SYNC: variants seen among roughly 807,000 people sequenced by gnomAD.
SYNC encodes syncoilin, intermediate filament protein, also known as syncoilin.
In SYNC, 38 loss-of-function variants were observed where a neutral mutation model predicts 49.5. The observed-to-expected ratio is 0.77, with a 90% confidence interval of 0.59 to 1.01. SYNC has a LOEUF of 1.01. Among genes scored for constraint, SYNC ranks in the 50% least tolerant of loss-of-function variants. SYNC has a pLI of 0.00. For missense variants in SYNC, 579 were observed against 580.6 expected, an observed-to-expected ratio of 1.00 and a Z score of 0.03; for synonymous variants, 201 against 230.8, an observed-to-expected ratio of 0.87 and a Z score of 1.17.
intron 2 of SYNC, among the ~76,000 whole-genome samples, chr1:32,688,075 T>G (rs547364327): frequency 6.6e-6 from 1 of 152,038 alleles, no homozygotes; most frequent in South Asian, 2.1e-4. Flanking sequence ...CCTCAGGTGA[T>G]CCACCTGCCT....
chr1:32,696,156 C>T, intron 1 of SYNC, 112 bp from the exon 2 acceptor site: 1 of 815,710 alleles, frequency 1.2e-6, no homozygotes, highest in South Asian at 1.8e-5. Flanking sequence ...TGTCAGCAGC[C>T]ATTCGTCTGC....
intron 1 of SYNC, among the ~76,000 whole-genome samples, chr1:32,698,414 G>A (rs1360810607): frequency 6.6e-6 from 1 of 152,104 alleles, no homozygotes; most frequent in Non-Finnish European, 1.5e-5. Flanking sequence ...AGCTACTCGG[G>A]AGGCTGAGGC....
intron 2 of SYNC, among the ~76,000 whole-genome samples, chr1:32,688,110 C>G (rs995161477): frequency 4.6e-5 from 7 of 151,968 alleles, no homozygotes; most frequent in Admixed American, 6.6e-5. Flanking sequence ...GCTGGGATTA[C>G]AGGTGTGAGC....
chr1:32,691,898 CT>C (rs1255825314), intron 2 of SYNC, among the ~76,000 whole-genome samples: 1 of 152,058 alleles, frequency 6.6e-6, no homozygotes, highest in Non-Finnish European at 1.5e-5. Flanking sequence ...AATTCCACCT[CT>C]TTTTTCATGA....
chr1:32,692,733 G>A (rs1428163993), intron 2 of SYNC, among the ~76,000 whole-genome samples: 2 of 152,148 alleles, frequency 1.3e-5, no homozygotes, highest in African/African-American at 4.8e-5. Context: ...TCCAGCCTGT[G>A]TGACAGAGCG....
At chr1:32,700,628 C>T (rs985235212) in intron 1 of SYNC, among the ~76,000 whole-genome samples, 2 of 152,104 alleles carry the variant, frequency 1.3e-5, no homozygotes, top group Non-Finnish European at 2.9e-5. Context: ...ACCTGGGAGA[C>T]AGAGGTTGCA....
intron 2 of SYNC, among the ~76,000 whole-genome samples, chr1:32,687,448 G>C (rs1253930330): frequency 2.0e-5 from 3 of 151,248 alleles, no homozygotes; most frequent in Admixed American, 2.0e-4. Flanking sequence ...AGGCCAAGGT[G>C]GATCACGAGG....
In SYNC at chr1:32,683,805, G is replaced by A. The variant is rs1047521913; in HGVS notation, c.1438+205C>T. The A allele has an allele frequency of 9.2e-6, 5 of 543,148 alleles. No individual in the cohort carries two copies. The African/African-American group carries it at 9.5e-5, about 10-fold the overall frequency. The allele number at this position is 543,148 out of a possible 1,614,324, so 33.6% of individuals were successfully genotyped here. On this transcript the variant is annotated intron_variant, in intron 4 of 4. Coordinates refer to ENST00000409190, the MANE Select transcript of SYNC (RefSeq NM_030786.3). ...CTGCCACTATGCCCGGCTAATTTTT[G>A]TATTTTTAGTGGAGATGGAGTTTTG...
chr1:32,693,108 AG>A (rs762430910), intron 2 of SYNC, among the ~76,000 whole-genome samples: 35 of 142,156 alleles, frequency 2.5e-4, no homozygotes, highest in Non-Finnish European at 4.4e-4. Flanking sequence ...TTTGAGATGG[AG>A]TCTCACTCTG....
At chr1:32,690,958 C>G (rs1489246410) in intron 2 of SYNC, among the ~76,000 whole-genome samples, 1 of 152,074 alleles carries the variant, frequency 6.6e-6, no homozygotes, top group Non-Finnish European at 1.5e-5. Context: ...GTGGCTCACA[C>G]CTATAATCCC....
rs752999810 is a variant in SYNC, at chr1:32,695,059, A to G, written c.1039T>C (p.Phe347Leu). The change falls in exon 2 of 5, where the codon TTC (phenylalanine) becomes CTC (leucine). Residue 347 changes from phenylalanine to leucine, a missense_variant. Physicochemically the swap from Phe to Leu is conservative, Grantham distance 22 (BLOSUM62 0). Coordinates refer to ENST00000409190, the MANE Select transcript of SYNC (RefSeq NM_030786.3). ...QDLEEEYEPQ[F>L]LRLLERKEAG... The stretch of plus-strand genomic sequence containing the variant: ...TCTTTCCTCTCTAGGAGCCGCAGGA[A>G]CTGAGGCTCATACTCCTCCTCCAGG... The G allele has an allele frequency of 6.2e-7, 1 of 1,613,442 alleles. No individual in the cohort carries two copies. The highest frequency in any genetic ancestry group is 1.1e-5 in the South Asian group (1 of 91,058).
Position 32,702,671 on chromosome 1 carries a change from C to T in SYNC, c.-11G>A. 3 of 1,182,214 alleles carry T rather than the reference C, an allele frequency of 2.5e-6. No homozygotes were observed. Among genetic ancestry groups the T allele is most frequent in the Non-Finnish European group, 3.1e-6 (3 of 956,324 alleles). The allele number at this position is 1,182,214 out of a possible 1,614,324, so 73.2% of individuals were successfully genotyped here. A position where few individuals can be genotyped will look rare whatever the true frequency, so the allele number is the denominator to read the frequency against. On this transcript the variant is annotated 5_prime_UTR_variant, in exon 1 of 5. Transcript: ENST00000409190. The surrounding 1 kb of genome is among the most constrained non-coding windows in gnomAD (Gnocchi z 6.2). ...CTCCGGGCTGGCCATGGCTGCGCGA[C>T]CCCGGGCTGGCGGCCGCGTTATTAA...
At position 32,681,746 on chromosome 1, in the gene SYNC, C is replaced by G; in HGVS notation, c.*104G>C. ...ACAGGATGAATTGCTTGCCAAGTTT[C>G]TGGCACTCTTGTCTGGTTGGAAGAG... On this transcript the variant is annotated 3_prime_UTR_variant, in exon 5 of 5. Coordinates refer to ENST00000409190, the MANE Select transcript of SYNC (RefSeq NM_030786.3). 5 of 1,586,544 alleles carry G rather than the reference C, an allele frequency of 3.2e-6. No individual in the cohort carries two copies. The highest frequency in any genetic ancestry group is 4.3e-6 in the Non-Finnish European group (5 of 1,157,116).
intron 1 of SYNC, among the ~76,000 whole-genome samples, chr1:32,700,221 G>C (rs1294059100): frequency 6.6e-6 from 1 of 152,210 alleles, no homozygotes; most frequent in Admixed American, 6.5e-5. Context: ...AGCTCCTAGA[G>C]CCAGGGCCAG....
At chr1:32,690,809 G>A (rs368218371) in intron 2 of SYNC, among the ~76,000 whole-genome samples, 2 of 151,548 alleles carry the variant, frequency 1.3e-5, no homozygotes, top group African/African-American at 2.4e-5. Flanking sequence ...AATTAGGGCC[G>A]GGCGTGGTGA....
In SYNC at chr1:32,680,061, A is replaced by C; in HGVS notation, c.*1789T>G. ...TAGAGTGAGTAAGGAATAGAGCCAA[A>C]TGAGGTAGGTGTCTGAGCCATGAAG... On this transcript the variant is annotated 3_prime_UTR_variant, in exon 5 of 5. Transcript: ENST00000409190. 9.3e-7 allele frequency: 1 copy of C among 1,077,962 alleles called. No homozygotes were observed. 66.8% of individuals were successfully genotyped at this position (1,077,962 alleles called of 1,614,324 possible). A position where few individuals can be genotyped will look rare whatever the true frequency, so the allele number is the denominator to read the frequency against.
chr1:32,697,751 A>T (rs657887), intron 1 of SYNC, among the ~76,000 whole-genome samples: 5,144 of 151,964 alleles, frequency 0.034, 236 homozygotes, highest in African/African-American at 0.1. Context: ...AAACAAAAAA[A>T]ACCCAGCTTA....
intron 1 of SYNC, among the ~76,000 whole-genome samples, chr1:32,699,604 T>C (rs1461077063): frequency 6.6e-6 from 1 of 151,990 alleles, no homozygotes; most frequent in Non-Finnish European, 1.5e-5. Context: ...CACCTCAATC[T>C]ATTCTCTACA....
chr1:32,703,424 C>T (rs1477798449), upstream of SYNC: 1 of 152,796 alleles, frequency 6.5e-6, no homozygotes, highest in Non-Finnish European at 1.5e-5. Context: ...CCTGTCACCC[C>T]ACTCAGCCCA....
Sources: allele counts gnomAD v4.1 joint callset (sites outside exome capture counted in the v4.1 genomes callset), GRCh38; gene constraint gnomAD v4.1.1; non-coding constraint Gnocchi (gnomAD v3.1); transcripts MANE v1.5; gene names NCBI Gene and HGNC (gene_info 2026-07-23, HGNC 2026-07-21).